GLI2: variants seen among roughly 807,000 people sequenced by gnomAD.
The protein encoded by GLI2 is transcription activator GLI2.
A neutral mutation model predicts 78.9 loss-of-function variants in GLI2; 22 were observed. The observed-to-expected ratio is 0.28, with a 90% CI of 0.20 to 0.40. The LOEUF (loss-of-function observed/expected upper bound fraction) is 0.40, where lower values mean the gene tolerates loss of function less well. GLI2 is among the 10% of genes least tolerant of loss of function. The pLI is 1.00. For synonymous variants in GLI2, 974 were observed against 963.7 expected (o/e 1.01, Z -0.20); for missense variants, 2,097 against 2,213.2 (o/e 0.95, Z 1.05).
chr2:120,936,471 G>A (rs185346510), intron 3 of GLI2, among the ~76,000 whole-genome samples: 3 of 152,262 alleles, frequency 2.0e-5, no homozygotes, highest in East Asian at 1.9e-4. Flanking sequence ...TCATAGAGGC[G>A]AGAACTGGGC....
intron 8 of GLI2, 124 bp from the exon 9 acceptor site, chr2:120,974,851 C>A: frequency 7.5e-7 from 1 of 1,330,488 alleles, no homozygotes; most frequent in African/African-American, 1.4e-5. Flanking sequence ...AACACACACA[C>A]TTGCATCCAC....
chr2:120,900,400 C>T (rs898617150), intron 2 of GLI2, among the ~76,000 whole-genome samples: 2 of 152,214 alleles, frequency 1.3e-5, no homozygotes, highest in East Asian at 3.8e-4. Flanking sequence ...ATGGCCACTG[C>T]TGCAGCTGCT....
intron 1 of GLI2, among the ~76,000 whole-genome samples, chr2:120,747,345 T>C (rs544743024): frequency 1.3e-5 from 2 of 152,224 alleles, no homozygotes; most frequent in Admixed American, 1.3e-4. Context: ...TGCAGATGGG[T>C]AAGCAGGGCC....
chr2:120,770,844 C>T (rs577825556), intron 1 of GLI2, among the ~76,000 whole-genome samples: 1 of 152,198 alleles, frequency 6.6e-6, no homozygotes, highest in Non-Finnish European at 1.5e-5. Context: ...ACCACCTACC[C>T]TCCAGGCTGC....
chr2:120,912,729 G>T (rs903222341), intron 2 of GLI2, among the ~76,000 whole-genome samples: 2 of 152,182 alleles, frequency 1.3e-5, no homozygotes, highest in African/African-American at 4.8e-5. Context: ...GCTTTCTGCG[G>T]ACCCTCTTAT....
intron 2 of GLI2, among the ~76,000 whole-genome samples, chr2:120,891,689 T>C (rs1470487268): frequency 2.0e-5 from 3 of 152,172 alleles, no homozygotes; most frequent in African/African-American, 7.2e-5. Context: ...GGGAGCCGGC[T>C]ATGCTCCTGG....
chr2:120,841,826 A>AC (rs1686886281), intron 2 of GLI2, among the ~76,000 whole-genome samples: 1 of 132,230 alleles, frequency 7.6e-6, no homozygotes, highest in African/African-American at 2.9e-5. Flanking sequence ...TGGGAGGAGG[A>AC]CCATTGCAAG....
intron 2 of GLI2, among the ~76,000 whole-genome samples, chr2:120,846,393 G>T (rs2104594122): frequency 6.6e-6 from 1 of 152,340 alleles, no homozygotes; most frequent in Admixed American, 6.5e-5. Flanking sequence ...GCTGGGCCTG[G>T]GAGGTGCCCA....
rs751224603 is a variant in GLI2, at chr2:120,843,195, C to T, written c.148+45727C>T. On this transcript the variant is annotated intron_variant, in intron 2 of 13. Transcript: ENST00000361492. ...AATGAATGCTGGCAGCCAGCCTTTA[C>T]GGAGCTACCTCCCCACCAAGATGCT... Among the ~76,000 whole-genome samples, 9 of 152,304 alleles carry T rather than the reference C, an allele frequency of 5.9e-5. No individual in the cohort carries two copies. In the South Asian group the frequency reaches 1.2e-3, roughly 21 times the overall value.
chr2:120,933,806 T>C (rs1269196450), intron 3 of GLI2, among the ~76,000 whole-genome samples: 1 of 152,042 alleles, frequency 6.6e-6, no homozygotes, highest in Non-Finnish European at 1.5e-5. Flanking sequence ...GGGGTGGACC[T>C]TCAGCTCCCT....
Position 120,989,423 on chromosome 2 carries a change from A to G in GLI2, c.3458A>G (p.Asn1153Ser). The G allele has an allele frequency of 6.2e-7, 1 of 1,613,080 alleles. No individual in the cohort carries two copies. The highest frequency in any genetic ancestry group is 8.5e-7 in the Non-Finnish European group (1 of 1,179,994). Residue 1153 changes from asparagine to serine, a missense_variant, in exon 14 of 14, where the codon AAC becomes AGC. Asn to Ser is a conservative substitution (Grantham distance 46). Transcript: ENST00000361492. ...QVKPPPFPQGNLAVVQQKPAF... is the reference protein window; with the variant it reads ...QVKPPPFPQGSLAVVQQKPAF... ...AAGCCTCCACCCTTTCCTCAGGGCA[A>G]CCTGGCGGTGGTGCAGCAGAAGCCT...
At chr2:120,773,101 G>A (rs2104659751) in intron 1 of GLI2, among the ~76,000 whole-genome samples, 1 of 152,310 alleles carries the variant, frequency 6.6e-6, no homozygotes, top group Non-Finnish European at 1.5e-5. Context: ...TATTTTGACA[G>A]TATGTGCTTT....
chr2:120,865,041 G>A (rs570513541), intron 2 of GLI2, among the ~76,000 whole-genome samples: 2 of 152,284 alleles, frequency 1.3e-5, no homozygotes, highest in African/African-American at 4.8e-5. Context: ...TTGCCCCAGG[G>A]AAGCTGAGGG....
chr2:120,774,321 A>G (rs1334620536), intron 1 of GLI2, among the ~76,000 whole-genome samples: 1 of 152,230 alleles, frequency 6.6e-6, no homozygotes, highest in Non-Finnish European at 1.5e-5. Context: ...CGCGTACCAT[A>G]AAATTCACCC....
intron 10 of GLI2, 150 bp downstream of exon 10, chr2:120,978,733 C>G: frequency 1.1e-6 from 1 of 874,806 alleles, no homozygotes. Context: ...TGTTCCCACC[C>G]TGCCTGTTTG....
At chr2:120,811,695 A>C (rs1685249461) in intron 2 of GLI2, among the ~76,000 whole-genome samples, 1 of 152,258 alleles carries the variant, frequency 6.6e-6, no homozygotes, top group South Asian at 2.1e-4. Flanking sequence ...ATGGAGGGGT[A>C]GTAGGGAGCC....
intron 1 of GLI2, among the ~76,000 whole-genome samples, chr2:120,795,738 TCCC>T (rs1426998520): frequency 6.6e-6 from 1 of 151,798 alleles, no homozygotes; most frequent in Non-Finnish European, 1.5e-5. Flanking sequence ...CCAGCTATCT[TCCC>T]CACCACCTTC....
At chr2:120,953,851 T>C (rs958828108) in intron 4 of GLI2, among the ~76,000 whole-genome samples, 2 of 151,648 alleles carry the variant, frequency 1.3e-5, no homozygotes, top group Non-Finnish European at 2.9e-5. Context: ...ATCCTGTCTC[T>C]AAAAAAAAAT....
intron 2 of GLI2, among the ~76,000 whole-genome samples, chr2:120,802,785 T>A (rs1684762915): frequency 6.6e-6 from 1 of 152,238 alleles, no homozygotes; most frequent in Non-Finnish European, 1.5e-5. Flanking sequence ...GGGATGTACC[T>A]GCAATGGCCA....
Sources: gnomAD v4.1 joint callset for allele counts (sites outside exome capture counted in the v4.1 genomes callset) on GRCh38, gnomAD v4.1.1 for gene constraint, MANE v1.5 for transcripts, NCBI Gene and HGNC (gene_info 2026-07-23, HGNC 2026-07-21) for gene names.